Variants in PDK1 observed in about 807,000 individuals in gnomAD.
The protein encoded by PDK1 is [Pyruvate dehydrogenase (acetyl-transferring)] kinase isozyme 1, mitochondrial.
PDK1 carries 39 observed loss-of-function variants against 54.2 expected under a neutral mutation model. The observed-to-expected ratio is 0.72, with a 90% CI of 0.56 to 0.94. PDK1 has a LOEUF of 0.94. Ranked by LOEUF, PDK1 falls within the 40% of genes least tolerant of loss-of-function variation. PDK1 has a pLI of 0.00. For missense variants in PDK1, 552 were observed against 566.0 expected (o/e 0.98, Z 0.25); for synonymous variants, 221 against 207.1 (o/e 1.07, Z -0.58).
At chr2:172,639,255 C>T in the PDK1 span, among the ~76,000 whole-genome samples, 1 of 152,160 alleles carries the variant, frequency 6.6e-6, no homozygotes, top group Non-Finnish European at 1.5e-5. Flanking sequence ...TTGCAGTGGC[C>T]TTAAACACTA....
the PDK1 span, among the ~76,000 whole-genome samples, chr2:172,662,366 T>A: frequency 6.6e-6 from 1 of 152,142 alleles, no homozygotes; most frequent in African/African-American, 2.4e-5. Context: ...TAAAAATGTA[T>A]CGATAAGCAA....
the PDK1 span, among the ~76,000 whole-genome samples, chr2:172,653,409 C>T: frequency 5.1e-4 from 77 of 152,250 alleles, 1 homozygote; most frequent in Middle Eastern, 3.4e-3. Context: ...TTGAGACCAG[C>T]CTGGCCAACA....
downstream of PDK1, among the ~76,000 whole-genome samples, chr2:172,609,715 G>C (rs977498919): frequency 6.6e-6 from 1 of 152,246 alleles, no homozygotes; most frequent in African/African-American, 2.4e-5. Context: ...TGTACTTGCA[G>C]TATTGTCCCA....
At chr2:172,645,403 C>T in the PDK1 span, among the ~76,000 whole-genome samples, 6 of 150,232 alleles carry the variant, frequency 4.0e-5, no homozygotes, top group East Asian at 2.0e-4. Context: ...GAACTACAGG[C>T]GCTTGCCACC....
At chr2:172,641,883 T>G in the PDK1 span, among the ~76,000 whole-genome samples, 1 of 152,140 alleles carries the variant, frequency 6.6e-6, no homozygotes, top group Non-Finnish European at 1.5e-5. Flanking sequence ...GAATTCTAGC[T>G]TCTATGGCTG....
In PDK1 at chr2:172,603,604, C is replaced by T. The variant is rs2149318159; in HGVS notation, c.*7635C>T. ...GCAGTGGGAAGCATGGACCCAAGAC[C>T]GAAAGCTCTGGCACTTTATAGCAGT... On this transcript the variant is annotated 3_prime_UTR_variant, in exon 11 of 11. Transcript: ENST00000282077. 1 of 152,268 alleles carries T rather than the reference C, an allele frequency of 6.6e-6. No individual in the cohort carries two copies. The highest frequency in any genetic ancestry group is 1.9e-4 in the East Asian group (1 of 5,182). The allele number at this position is 152,268 out of a possible 1,614,324, so 9.4% of individuals were successfully genotyped here. A position where few individuals can be genotyped will look rare whatever the true frequency, so the allele number is the denominator to read the frequency against.
the PDK1 span, among the ~76,000 whole-genome samples, chr2:172,646,617 G>A: frequency 1.9e-4 from 29 of 151,970 alleles, no homozygotes; most frequent in African/African-American, 6.8e-4. Context: ...GCTCATTTCA[G>A]TGCTCCTCAG....
At chr2:172,557,242 G>T (rs1052524350) in intron 1 of PDK1, among the ~76,000 whole-genome samples, 1 of 152,148 alleles carries the variant, frequency 6.6e-6, no homozygotes. Flanking sequence ...GGCGAATTTG[G>T]TGGTATTCAT....
the PDK1 span, among the ~76,000 whole-genome samples, chr2:172,624,713 G>C: frequency 3.7e-4 from 57 of 152,124 alleles, no homozygotes; most frequent in Non-Finnish European, 7.5e-4. Context: ...GAAGGAAGGG[G>C]CAGGGCCAGA....
chr2:172,690,444 G>A, the PDK1 span, among the ~76,000 whole-genome samples: 3 of 150,460 alleles, frequency 2.0e-5, no homozygotes, highest in South Asian at 2.1e-4. Context: ...ACAGTGTGGC[G>A]ATTCCTCAGG....
the PDK1 span, among the ~76,000 whole-genome samples, chr2:172,696,190 A>AG: frequency 4.3e-5 from 6 of 138,982 alleles, no homozygotes; most frequent in Admixed American, 3.6e-4. Flanking sequence ...AAAAAAAAAG[A>AG]AAAAAAAAAG....
intron 8 of PDK1, among the ~76,000 whole-genome samples, chr2:172,572,182 G>A (rs1458965169): frequency 6.6e-6 from 1 of 151,996 alleles, no homozygotes; most frequent in East Asian, 1.9e-4. Context: ...AGTAGTTGAG[G>A]AGTTAGCTCT....
At chr2:172,615,113 TCCCTGCCGCAA>T in the PDK1 span, among the ~76,000 whole-genome samples, 1 of 152,200 alleles carries the variant, frequency 6.6e-6, no homozygotes, top group East Asian at 1.9e-4. Flanking sequence ...ACTGACGTGC[TCCCTGCCGCAA>T]GGGGTTGAGC....
chr2:172,657,700 T>A, the PDK1 span, among the ~76,000 whole-genome samples: 3 of 152,084 alleles, frequency 2.0e-5, no homozygotes, highest in African/African-American at 7.2e-5. Flanking sequence ...GGAGATGAAA[T>A]TCCCATGTGA....
chr2:172,614,470 G>C, the PDK1 span, among the ~76,000 whole-genome samples: 1 of 152,230 alleles, frequency 6.6e-6, no homozygotes, highest in Non-Finnish European at 1.5e-5. Context: ...CAGCTGCAGA[G>C]AGGAGTACTC....
the PDK1 span, among the ~76,000 whole-genome samples, chr2:172,633,384 T>TC: frequency 5.2e-3 from 39 of 7,492 alleles, no homozygotes; most frequent in African/African-American, 7.1e-3. Context: ...TTTCTTTCTT[T>TC]TTTTTTTTTT....
the PDK1 span, among the ~76,000 whole-genome samples, chr2:172,631,290 CTT>C: frequency 6.6e-6 from 1 of 152,226 alleles, no homozygotes. Flanking sequence ...GTTTGTTTGG[CTT>C]GTGCCAGATG....
chr2:172,568,415 C>G (rs373009155), intron 6 of PDK1, among the ~76,000 whole-genome samples: 1 of 151,072 alleles, frequency 6.6e-6, no homozygotes, highest in Non-Finnish European at 1.5e-5. Flanking sequence ...TAACACTTCT[C>G]TATTTGGAAA....
chr2:172,672,651 T>C, the PDK1 span, among the ~76,000 whole-genome samples: 1 of 152,120 alleles, frequency 6.6e-6, no homozygotes, highest in Non-Finnish European at 1.5e-5. Flanking sequence ...GATGCTTTTC[T>C]TTGTATTTTT....
Sources: allele counts gnomAD v4.1 joint callset (sites outside exome capture counted in the v4.1 genomes callset), GRCh38; gene constraint gnomAD v4.1.1; transcripts MANE v1.5; gene names NCBI Gene and HGNC (gene_info 2026-07-23, HGNC 2026-07-21).